BBOX1: variants seen among roughly 807,000 people sequenced by gnomAD.
BBOX1 encodes the protein gamma-butyrobetaine hydroxylase 1.
In BBOX1, 35 loss-of-function variants were observed where a neutral mutation model predicts 41.6. The observed-to-expected ratio is 0.84, with a 90% CI of 0.64 to 1.11. The LOEUF is 1.11. Ranked by LOEUF, BBOX1 falls within the 50% of genes most tolerant of loss-of-function variation. BBOX1 has a pLI of 0.00. For synonymous variants in BBOX1, 163 were observed against 154.7 expected, an observed-to-expected ratio of 1.05 and a Z score of -0.40; for missense variants, 458 against 460.6, an observed-to-expected ratio of 0.99 and a Z score of 0.05.
intron 6 of BBOX1, among the ~76,000 whole-genome samples, chr11:27,117,434 T>C (rs1859308518): frequency 6.6e-6 from 1 of 151,956 alleles, no homozygotes; most frequent in Admixed American, 6.6e-5. Flanking sequence ...ATGACCCCTG[T>C]AGACACACTT....
chr11:27,085,429 G>A (rs1007772530), intron 4 of BBOX1, among the ~76,000 whole-genome samples: 1 of 152,034 alleles, frequency 6.6e-6, no homozygotes, highest in Admixed American at 6.6e-5. Context: ...ATAGTGATCT[G>A]TGATCAGTGA....
chr11:27,094,382 G>A (rs887681253), intron 5 of BBOX1, among the ~76,000 whole-genome samples: 3 of 151,932 alleles, frequency 2.0e-5, no homozygotes, highest in African/African-American at 4.8e-5. Context: ...GGTTACAACT[G>A]GAAGCACACG....
rs1590169373 is a variant in BBOX1, at chr11:27,055,642, G to C, written c.212G>C (p.Arg71Thr). The change falls in exon 3 of 9, where the codon AGA (arginine) becomes ACA (threonine). Residue 71 changes from arginine (R) to threonine (T), a missense_variant. Arg to Thr is a moderately conservative substitution (Grantham distance 71). Coordinates refer to ENST00000263182, the MANE Select transcript of BBOX1 (RefSeq NM_003986.3). ...GGAATTAAAGGCTTGATATTTGACA[G>C]AAAAAAGGTAATTATCTCTAAATTA... ...NIGIKGLIFD[R>T]KKVYITWPDE... The C allele has an allele frequency of 1.9e-6, 3 of 1,607,164 alleles. No individual in the cohort carries two copies. Among genetic ancestry groups the C allele is most frequent in the Non-Finnish European group, 2.6e-6 (3 of 1,176,176 alleles).
chr11:27,111,283 G>A (rs978650537), intron 5 of BBOX1, among the ~76,000 whole-genome samples: 1 of 151,782 alleles, frequency 6.6e-6, no homozygotes, highest in African/African-American at 2.4e-5. Context: ...TCACAAGTGG[G>A]AGCTAAACAT....
In BBOX1 at chr11:27,071,535, G is replaced by C. The variant is rs185565130; in HGVS notation, c.334+14220G>C. ...GGTGGGAGGCGATTGAATCATGGGG[G>C]CTGACTTCCCCCTTGCTGTTCCCAT... is the stretch of plus-strand genomic sequence containing the variant. On this transcript the variant is annotated intron_variant, in intron 4 of 8. Coordinates refer to ENST00000263182, the MANE Select transcript of BBOX1 (RefSeq NM_003986.3). 4.9e-4 allele frequency among the ~76,000 whole-genome samples: 75 copies of C among 152,218 alleles called. 1 individual carries two copies. In the East Asian group the frequency reaches 0.013, roughly 27 times the overall value.
chr11:27,103,561 T>G (rs577636572), intron 5 of BBOX1, among the ~76,000 whole-genome samples: 23 of 152,112 alleles, frequency 1.5e-4, no homozygotes, highest in African/African-American at 5.5e-4. Flanking sequence ...TAATTTATTC[T>G]TTGTTTAAGG....
intron 3 of BBOX1, 29 bp from the exon 4 acceptor site, chr11:27,057,172 T>A (rs752974322): frequency 2.1e-6 from 3 of 1,443,294 alleles, no homozygotes; most frequent in East Asian, 5.0e-5. Flanking sequence ...AAAATCCACA[T>A]AGGTGAAATT....
At chr11:27,081,032 T>A (rs1857816624) in intron 4 of BBOX1, among the ~76,000 whole-genome samples, 1 of 152,170 alleles carries the variant, frequency 6.6e-6, no homozygotes, top group Non-Finnish European at 1.5e-5. Flanking sequence ...TTTCTCACTT[T>A]CCAAAGGTCA....
At position 27,057,746 on chromosome 11, in the gene BBOX1, AC is replaced by A. The variant is rs145763682; in HGVS notation, c.334+434del. On this transcript the variant is annotated intron_variant, in intron 4 of 8. Transcript: ENST00000263182. ...ATAGATGGAATTATGGGATTGATGA[AC>A]CCATGAAACGGTACGCATAGCACTG... 7.4e-3 allele frequency among the ~76,000 whole-genome samples: 1,134 copies of A among 152,238 alleles called. 8 individuals carry two copies. The highest frequency in any genetic ancestry group is 0.011 in the Non-Finnish European group (773 of 68,034).
At chr11:27,057,130 T>C in intron 3 of BBOX1, 71 bp from the exon 4 acceptor site, 1 of 931,316 alleles carries the variant, frequency 1.1e-6, no homozygotes, top group Non-Finnish European at 1.6e-6. Flanking sequence ...TAAACAGCAT[T>C]CAAAAACAGA....
At chr11:27,125,601 T>C (rs948717213) in intron 7 of BBOX1, 53 bp from the exon 8 acceptor site, 4 of 1,347,070 alleles carry the variant, frequency 3.0e-6, no homozygotes, top group Non-Finnish European at 4.0e-6. Context: ...CTCTTATCAA[T>C]GTAAATAGAT....
intron 5 of BBOX1, among the ~76,000 whole-genome samples, chr11:27,105,503 A>G (rs1195664783): frequency 1.3e-5 from 2 of 152,214 alleles, no homozygotes; most frequent in Non-Finnish European, 2.9e-5. Context: ...GTAATTGAAG[A>G]TCAAATAAAT....
At chr11:27,042,865 A>G (rs1409981511) in intron 2 of BBOX1, among the ~76,000 whole-genome samples, 1 of 152,070 alleles carries the variant, frequency 6.6e-6, no homozygotes, top group Non-Finnish European at 1.5e-5. Context: ...TGTCTGGTCA[A>G]CCTCCACCTT....
At chr11:27,071,601 G>C (rs904864633) in intron 4 of BBOX1, among the ~76,000 whole-genome samples, 4 of 151,996 alleles carry the variant, frequency 2.6e-5, no homozygotes, top group African/African-American at 9.7e-5. Flanking sequence ...GTTTAAAAGT[G>C]TGTGGCACCA....
At chr11:27,075,312 A>G (rs1857597222) in intron 4 of BBOX1, among the ~76,000 whole-genome samples, 1 of 152,116 alleles carries the variant, frequency 6.6e-6, no homozygotes, top group Admixed American at 6.5e-5. Context: ...TGTATGACTA[A>G]GTTCACTGTC....
rs376941503 is a variant in BBOX1, at chr11:27,055,404, C to T, written c.-27C>T. The T allele has an allele frequency of 1.1e-4, 181 of 1,601,444 alleles. 1 individual carries two copies. In the African/African-American group the frequency reaches 2.3e-3, roughly 20 times the overall value. ...CTGATTTGTCATAGCAGGTAGCTGACAGCATCTACTCCTGAAGACCGGAAA... is the reference window on the plus strand; with the variant it reads ...CTGATTTGTCATAGCAGGTAGCTGATAGCATCTACTCCTGAAGACCGGAAA... On this transcript the variant is annotated 5_prime_UTR_variant, in exon 3 of 9. Coordinates refer to ENST00000263182, the MANE Select transcript of BBOX1 (RefSeq NM_003986.3).
At chr11:27,085,555 ATC>A (rs59696795) in intron 4 of BBOX1, among the ~76,000 whole-genome samples, 46,184 of 134,336 alleles carry the variant, frequency 0.34, 7,003 homozygotes, top group Admixed American at 0.41. Context: ...ACATTCCCCC[ATC>A]TCTCTCTCTC....
At chr11:27,090,894 C>T (rs975592037) in intron 4 of BBOX1, among the ~76,000 whole-genome samples, 3 of 151,914 alleles carry the variant, frequency 2.0e-5, no homozygotes, top group Admixed American at 6.6e-5. Context: ...CCTACTTGCA[C>T]GTCCATTTAT....
At chr11:27,115,249 G>A (rs1195131678) in intron 5 of BBOX1, among the ~76,000 whole-genome samples, 1 of 151,852 alleles carries the variant, frequency 6.6e-6, no homozygotes, top group Non-Finnish European at 1.5e-5. Context: ...GTTGAGAGGA[G>A]AGGAAAAATG....
Sources: gnomAD v4.1 joint callset for allele counts (sites outside exome capture counted in the v4.1 genomes callset) on GRCh38, gnomAD v4.1.1 for gene constraint, MANE v1.5 for transcripts, NCBI Gene and HGNC (gene_info 2026-07-23, HGNC 2026-07-21) for gene names.